Variants in PDE4D observed in about 807,000 individuals in gnomAD.
The protein encoded by PDE4D is phosphodiesterase 4D, also known as 3',5'-cyclic-AMP phosphodiesterase 4D.
A neutral mutation model predicts 87.4 loss-of-function variants in PDE4D; 24 were observed. The ratio of observed to expected loss-of-function variants is 0.27; its 90% CI spans 0.20 to 0.39. The LOEUF (loss-of-function observed/expected upper bound fraction) is 0.39. Among genes scored for constraint, PDE4D ranks in the 10% least tolerant of loss-of-function variants. PDE4D has a pLI of 1.00. For synonymous variants in PDE4D, 384 were observed against 383.2 expected (o/e 1.00, Z -0.02); for missense variants, 714 against 1,041.0 (o/e 0.69, Z 4.32).
chr5:59,142,561 A>G (rs115066189), intron 5 of PDE4D, among the ~76,000 whole-genome samples: 5,737 of 152,328 alleles, frequency 0.038, 322 homozygotes, highest in African/African-American at 0.12. Context: ...CCTAAAGGCG[A>G]GCCTTTTTGA....
chr5:59,159,863 T>C (rs1780781289), intron 5 of PDE4D, among the ~76,000 whole-genome samples: 1 of 152,134 alleles, frequency 6.6e-6, no homozygotes, highest in Non-Finnish European at 1.5e-5. Flanking sequence ...CTTAGTAACA[T>C]CATGAACTGA....
At chr5:60,292,656 G>T (rs1359396854) in intron 1 of PDE4D, among the ~76,000 whole-genome samples, 3 of 152,180 alleles carry the variant, frequency 2.0e-5, no homozygotes, top group African/African-American at 7.2e-5. Context: ...AGAGTTTGCA[G>T]ATTTAATAAC....
rs1412867279 is a variant in PDE4D at position 59,276,105 on chromosome 5, G to A, written c.456-60137C>T. The A allele has an allele frequency of 1.3e-5, 10 of 778,318 alleles. No homozygotes were observed. The African/African-American group carries it at 1.5e-4, about 12-fold the overall frequency. The allele number at this position is 778,318 out of a possible 1,614,324, so 48.2% of individuals were successfully genotyped here. On this transcript the variant is annotated intron_variant, in intron 1 of 14. Transcript: ENST00000340635. ...CTGTAAGAAGGCAGTTCAAAACACCGCAGGGCAGTGAGAAAGGAAAAAAAA... is the reference window on the plus strand; with the variant it reads ...CTGTAAGAAGGCAGTTCAAAACACCACAGGGCAGTGAGAAAGGAAAAAAAA...
intron 1 of PDE4D, among the ~76,000 whole-genome samples, chr5:59,216,436 T>C (rs1298154557): frequency 6.6e-6 from 1 of 152,118 alleles, no homozygotes; most frequent in Admixed American, 6.6e-5. Context: ...CCCACTTCCT[T>C]CCATCCCTAC....
At chr5:59,868,165 T>C (rs1015577951) in intron 1 of PDE4D, among the ~76,000 whole-genome samples, 2 of 152,140 alleles carry the variant, frequency 1.3e-5, no homozygotes, top group African/African-American at 4.8e-5. Flanking sequence ...TAAAAATTAT[T>C]GAAGACTCAC....
At chr5:59,405,632 C>A (rs1791476199) in intron 1 of PDE4D, among the ~76,000 whole-genome samples, 1 of 152,150 alleles carries the variant, frequency 6.6e-6, no homozygotes, top group East Asian at 1.9e-4. Context: ...GGAGGAAAAA[C>A]TTTCAATTTT....
At chr5:60,317,876 T>G (rs1372689810) in intron 1 of PDE4D, among the ~76,000 whole-genome samples, 6 of 152,244 alleles carry the variant, frequency 3.9e-5, no homozygotes, top group Admixed American at 6.5e-5. Context: ...TTTCTGTTCT[T>G]TTACATTTGC....
chr5:60,210,308 T>C (rs1395716259), intron 1 of PDE4D, among the ~76,000 whole-genome samples: 3 of 152,050 alleles, frequency 2.0e-5, no homozygotes, highest in African/African-American at 7.2e-5. Context: ...CTCAAGCTTT[T>C]GATTTTTTGA....
chr5:60,454,884 G>A (rs1746354409), intron 1 of PDE4D, among the ~76,000 whole-genome samples: 1 of 152,046 alleles, frequency 6.6e-6, no homozygotes. Flanking sequence ...GCACATACAT[G>A]AGCGGGGAGT....
intron 3 of PDE4D, among the ~76,000 whole-genome samples, chr5:59,981,633 T>TAACA (rs775566649): frequency 6.6e-6 from 1 of 152,220 alleles, no homozygotes; most frequent in Non-Finnish European, 1.5e-5. Flanking sequence ...ATCTTCCATA[T>TAACA]AACATTCAAT....
intron 1 of PDE4D, among the ~76,000 whole-genome samples, chr5:59,809,122 C>T (rs527315412): frequency 6.6e-6 from 1 of 152,154 alleles, no homozygotes; most frequent in African/African-American, 2.4e-5. Context: ...AGTACCGTGC[C>T]TTAGTTGGCG....
Position 59,142,798 on chromosome 5 carries a change from T to A in PDE4D, c.808+37797A>T, listed in dbSNP as rs1490749597. 2.0e-5 allele frequency among the ~76,000 whole-genome samples: 3 copies of A among 152,232 alleles called. No homozygotes were observed. The East Asian group carries it at 5.8e-4, about 30-fold the overall frequency. On this transcript the variant is annotated intron_variant, in intron 5 of 14. Transcript: ENST00000340635. ...CAGGCGTGGTGGCACACGCCTGTAG[T>A]CCCAGCTACTCGGGAGGCTGAGGCA...
chr5:60,465,301 A>G (rs1156702730), intron 1 of PDE4D, among the ~76,000 whole-genome samples: 1 of 152,126 alleles, frequency 6.6e-6, no homozygotes, highest in South Asian at 2.1e-4. Flanking sequence ...ACTATGCTTT[A>G]GATCATTTTC....
At chr5:59,057,958 T>C (rs1409132422) in intron 5 of PDE4D, among the ~76,000 whole-genome samples, 1 of 152,186 alleles carries the variant, frequency 6.6e-6, no homozygotes, top group African/African-American at 2.4e-5. Flanking sequence ...GTTTGATGCA[T>C]GAGAACCAAA....
chr5:59,530,997 G>T (rs1358524383), intron 1 of PDE4D, among the ~76,000 whole-genome samples: 3 of 152,166 alleles, frequency 2.0e-5, no homozygotes, highest in Non-Finnish European at 4.4e-5. Flanking sequence ...TTTGAATACG[G>T]TGTATTGAAT....
At position 59,207,856 on chromosome 5, in the gene PDE4D, G is replaced by GTTT. The variant is rs141816425; in HGVS notation, c.647+7918_647+7920dup. 6.0e-5 allele frequency among the ~76,000 whole-genome samples: 9 copies of GTTT among 149,054 alleles called. No individual in the cohort carries two copies. In the South Asian group the frequency reaches 1.1e-3, roughly 18 times the overall value. ...GAGAAAAACTCACATGATTTTTAGA[G>GTTT]TTTTTTTTTTCACATTTAAAAGATT... On this transcript the variant is annotated intron_variant, in intron 2 of 14. Coordinates refer to ENST00000340635, the MANE Select transcript of PDE4D (RefSeq NM_001104631.2).
At chr5:59,462,113 C>T (rs568592661) in intron 1 of PDE4D, among the ~76,000 whole-genome samples, 1 of 152,142 alleles carries the variant, frequency 6.6e-6, no homozygotes, top group East Asian at 1.9e-4. Context: ...CAAATTAATG[C>T]ATCAAAGCAG....
At chr5:59,043,752 A>G (rs958446100) in intron 5 of PDE4D, among the ~76,000 whole-genome samples, 17 of 138,350 alleles carry the variant, frequency 1.2e-4, no homozygotes, top group Non-Finnish European at 2.1e-4. Context: ...TCCCCTTCCT[A>G]TGTCCATGTG....
At chr5:60,151,536 T>C (rs1781497708) in intron 2 of PDE4D, among the ~76,000 whole-genome samples, 3 of 152,232 alleles carry the variant, frequency 2.0e-5, no homozygotes, top group Admixed American at 2.0e-4. Flanking sequence ...TTTTTCTTAA[T>C]TTCCTTTTCA....
Sources: gnomAD v4.1 joint callset for allele counts (sites outside exome capture counted in the v4.1 genomes callset) on GRCh38, gnomAD v4.1.1 for gene constraint, MANE v1.5 for transcripts, NCBI Gene and HGNC (gene_info 2026-07-23, HGNC 2026-07-21) for gene names.